The following CPPED1 variants were observed in gnomAD, a reference collection of about 807,000 sequenced individuals.
The protein encoded by CPPED1 is serine/threonine-protein phosphatase CPPED1.
Under a neutral mutation model 28.0 loss-of-function variants are expected in CPPED1, and 28 were observed. The ratio of observed to expected loss-of-function variants is 1.00; its 90% CI spans 0.74 to 1.37. CPPED1 has a LOEUF of 1.37. CPPED1 is among the 40% of genes most tolerant of loss of function. The pLI is 0.00. For missense variants in CPPED1, 504 were observed against 416.5 expected (o/e 1.21, Z -1.83); for synonymous variants, 198 against 180.2 (o/e 1.10, Z -0.79).
intron 2 of CPPED1, among the ~76,000 whole-genome samples, chr16:12,746,655 T>C (rs182964705): frequency 1.3e-5 from 2 of 152,212 alleles, no homozygotes; most frequent in African/African-American, 4.8e-5. Flanking sequence ...TGAAAGGAAA[T>C]TGTCTTTGTA....
chr16:12,709,909 AAGGAAGG>A lies in CPPED1; in HGVS notation c.290-4867_290-4861del, dbSNP rs1567282720. Among the ~76,000 whole-genome samples, 6 of 25,254 alleles carry A rather than the reference AAGGAAGG, an allele frequency of 2.4e-4. No homozygotes were observed. The highest frequency in any genetic ancestry group is 8.9e-4 in the African/African-American group (6 of 6,778). The allele number at this position is 25,254 out of a possible 152,430, so 16.6% of individuals were successfully genotyped here. On this transcript the variant is annotated intron_variant, in intron 2 of 3. Transcript: ENST00000381774. The surrounding 1 kb of genome is among the most constrained non-coding windows in gnomAD (Gnocchi z 4.4). The stretch of plus-strand genomic sequence containing the variant: ...AGGGAAGGAAGGGAAAGACGGGGGG[AAGGAAGG>A]GAAGGAAGGGAAGGAAGGGAAGGAA...
intron 2 of CPPED1, among the ~76,000 whole-genome samples, chr16:12,752,071 G>A (rs865960704): frequency 2.0e-4 from 30 of 152,244 alleles, no homozygotes; most frequent in Admixed American, 1.3e-4. Flanking sequence ...CCAAATTACT[G>A]AGCACAACTT....
rs2079815002 is a variant in CPPED1, at chr16:12,664,702, T to C, written c.*184A>G. 6.9e-7 allele frequency: 1 copy of C among 1,439,414 alleles called. No individual in the cohort carries two copies. The highest frequency in any genetic ancestry group is 9.0e-7 in the Non-Finnish European group (1 of 1,107,994). The allele number at this position is 1,439,414 out of a possible 1,614,324, so 89.2% of individuals were successfully genotyped here. A position where few individuals can be genotyped will look rare whatever the true frequency, so the allele number is the denominator to read the frequency against. ...ATCATTCGCTCCATTTTAAAGGAAA[T>C]GCAGTTCTATTTTGAATATAATTCA... On this transcript the variant is annotated 3_prime_UTR_variant, in exon 4 of 4. Transcript: ENST00000381774. This position sits in a 1 kb window ranked among gnomAD's most constrained non-coding sequence, Gnocchi z 4.2.
chr16:12,720,525 T>C (rs573615848), intron 2 of CPPED1, among the ~76,000 whole-genome samples: 4 of 152,372 alleles, frequency 2.6e-5, no homozygotes, highest in South Asian at 4.1e-4. Context: ...TCTTGCTCTA[T>C]TGCCCAGGCT....
chr16:12,727,907 T>G (rs2080177977), intron 2 of CPPED1, among the ~76,000 whole-genome samples: 1 of 152,192 alleles, frequency 6.6e-6, no homozygotes, highest in Non-Finnish European at 1.5e-5. Context: ...ATGCAAAAAT[T>G]TGTTCATAAA....
intron 3 of CPPED1, among the ~76,000 whole-genome samples, chr16:12,680,037 C>T (rs997333552): frequency 6.6e-6 from 1 of 152,160 alleles, no homozygotes; most frequent in African/African-American, 2.4e-5. Context: ...ACTTTATCTA[C>T]ATAATAAGAC....
chr16:12,711,966 G>A (rs887743409), intron 2 of CPPED1, among the ~76,000 whole-genome samples: 1 of 152,168 alleles, frequency 6.6e-6, no homozygotes, highest in Non-Finnish European at 1.5e-5. Flanking sequence ...CAGGTGTTCA[G>A]AGATCTCCCT....
chr16:12,769,400 G>A (rs1483639100), intron 2 of CPPED1, among the ~76,000 whole-genome samples: 1 of 152,052 alleles, frequency 6.6e-6, no homozygotes, highest in South Asian at 2.1e-4. Flanking sequence ...GAAGGAATCC[G>A]AGGCACAAAA....
At chr16:12,797,632 T>G (rs540628135) in intron 1 of CPPED1, among the ~76,000 whole-genome samples, 1 of 152,174 alleles carries the variant, frequency 6.6e-6, no homozygotes, top group Non-Finnish European at 1.5e-5. Context: ...ATCTTTTGGC[T>G]TTCCTGGGCC....
chr16:12,726,319 T>G (rs1300112852), intron 2 of CPPED1, among the ~76,000 whole-genome samples: 1 of 141,752 alleles, frequency 7.1e-6, no homozygotes, highest in East Asian at 2.2e-4. Flanking sequence ...GGATAACAGG[T>G]GTGAGCCACT....
chr16:12,718,247 A>C (rs1264373940), intron 2 of CPPED1, among the ~76,000 whole-genome samples: 1 of 152,160 alleles, frequency 6.6e-6, no homozygotes, highest in East Asian at 1.9e-4. Context: ...ACAATCAAAA[A>C]CTGTAGATTG....
At chr16:12,701,508 G>A (rs1487498447) in intron 3 of CPPED1, among the ~76,000 whole-genome samples, 10 of 152,158 alleles carry the variant, frequency 6.6e-5, no homozygotes, top group Non-Finnish European at 1.5e-4. Context: ...CTGCACTACA[G>A]CCTGGGTGAC....
chr16:12,783,174 C>A (rs555726697), intron 1 of CPPED1, among the ~76,000 whole-genome samples: 1 of 152,276 alleles, frequency 6.6e-6, no homozygotes, highest in African/African-American at 2.4e-5. Flanking sequence ...GTATTAATGA[C>A]TATGCAGATT....
chr16:12,801,932 G>A (rs2080662380), intron 1 of CPPED1, among the ~76,000 whole-genome samples: 1 of 152,188 alleles, frequency 6.6e-6, no homozygotes, highest in South Asian at 2.1e-4. Context: ...GAGAAAAGCT[G>A]TCCTGAGAAA....
intron 2 of CPPED1, among the ~76,000 whole-genome samples, chr16:12,756,045 G>T (rs562586351): frequency 6.6e-6 from 1 of 151,898 alleles, no homozygotes; most frequent in African/African-American, 2.4e-5. Context: ...GCAGGAGAAT[G>T]GCGTGAACCC....
chr16:12,783,153 A>T (rs1476377993), intron 1 of CPPED1, among the ~76,000 whole-genome samples: 2 of 152,220 alleles, frequency 1.3e-5, no homozygotes, highest in Non-Finnish European at 2.9e-5. Context: ...AGCAGGGAAT[A>T]GAATCAGAGA....
intron 2 of CPPED1, among the ~76,000 whole-genome samples, chr16:12,767,171 T>C (rs2080444454): frequency 6.6e-6 from 1 of 152,114 alleles, no homozygotes; most frequent in African/African-American, 2.4e-5. Flanking sequence ...TCATTCAGTC[T>C]AAATCCAAAG....
intron 1 of CPPED1, among the ~76,000 whole-genome samples, chr16:12,791,752 G>C (rs2080597903): frequency 6.6e-6 from 1 of 152,164 alleles, no homozygotes; most frequent in Non-Finnish European, 1.5e-5. Flanking sequence ...CCTGGCTACA[G>C]AGCCACCATC....
intron 1 of CPPED1, among the ~76,000 whole-genome samples, chr16:12,801,240 T>G (rs920640776): frequency 6.6e-6 from 1 of 152,132 alleles, no homozygotes; most frequent in African/African-American, 2.4e-5. Flanking sequence ...ACTACAGGCA[T>G]GTGCCACCAC....
Sources: allele counts gnomAD v4.1 joint callset (sites outside exome capture counted in the v4.1 genomes callset), GRCh38; gene constraint gnomAD v4.1.1; non-coding constraint Gnocchi (gnomAD v3.1); transcripts MANE v1.5; gene names NCBI Gene and HGNC (gene_info 2026-07-23, HGNC 2026-07-21).